KCNQ3: variants seen among roughly 807,000 people sequenced by gnomAD.
The protein encoded by KCNQ3 is potassium voltage-gated channel subfamily Q member 3.
Under a neutral mutation model 92.5 loss-of-function variants are expected in KCNQ3, and 30 were observed. The observed-to-expected ratio is 0.32, with a 90% confidence interval of 0.24 to 0.44. The LOEUF is 0.44. KCNQ3 is among the 20% of genes least tolerant of loss of function. The probability of loss-of-function intolerance (pLI) is 1.00; values close to 1 mark genes in which losing one functional copy is unlikely to be tolerated. For missense variants in KCNQ3, 913 were observed against 1,140.3 expected, an observed-to-expected ratio of 0.80 and a Z score of 2.87; for synonymous variants, 450 against 468.8, an observed-to-expected ratio of 0.96 and a Z score of 0.52.
chr8:132,354,682 T>G (rs115967154), intron 1 of KCNQ3, among the ~76,000 whole-genome samples: 1,933 of 152,316 alleles, frequency 0.013, 53 homozygotes, highest in African/African-American at 0.044. Context: ...AGTTATTGCC[T>G]CTAAGATGTT....
chr8:132,229,983 G>C (rs1247028977), intron 1 of KCNQ3, among the ~76,000 whole-genome samples: 1 of 152,162 alleles, frequency 6.6e-6, no homozygotes, highest in African/African-American at 2.4e-5. Flanking sequence ...CTTTCAGAAG[G>C]AAGGGCAGGA....
chr8:132,132,095 A>T, intron 14 of KCNQ3, 85 bp downstream of exon 14: 2 of 1,004,154 alleles, frequency 2.0e-6, no homozygotes, highest in Admixed American at 3.7e-5. Flanking sequence ...CTTAAAAAAA[A>T]AAAAGAAAGA....
At chr8:132,191,793 G>A (rs1827171106) in intron 1 of KCNQ3, among the ~76,000 whole-genome samples, 1 of 152,002 alleles carries the variant, frequency 6.6e-6, no homozygotes, top group Non-Finnish European at 1.5e-5. Flanking sequence ...AGGGTCCCAT[G>A]AGAGAGCATC....
rs144474368 is a variant in KCNQ3, at chr8:132,170,353, C to G, written c.1216G>C (p.Val406Leu). 2 of 1,613,612 alleles carry G rather than the reference C, an allele frequency of 1.2e-6. No individual in the cohort carries two copies. The highest frequency in any genetic ancestry group is 2.2e-5 in the East Asian group (1 of 44,850). The change falls in exon 8 of 15, where the codon GTC becomes CTC. Residue 406 changes from valine to leucine, a missense_variant. By Grantham distance (32) the Val-to-Leu change is conservative (BLOSUM62 1). This residue lies in a region of KCNQ3 where 182 missense variants were observed against 234.5 expected (regional missense o/e 0.78). Coordinates refer to ENST00000388996, the MANE Select transcript of KCNQ3 (RefSeq NM_004519.4). ...VATWRFYESV[V>L]SFPFFRKEQL... is the part of the protein sequence containing the mutation. Reference sequence around the variant, plus strand: ...ACTTGCCTGAAGAAAGGAAAAGAGACGACTGATTCATAAAATCTCCATGTC... The same window carrying G: ...ACTTGCCTGAAGAAAGGAAAAGAGAGGACTGATTCATAAAATCTCCATGTC...
chr8:132,186,010 G>A, intron 2 of KCNQ3, 81 bp downstream of exon 2: 1 of 987,630 alleles, frequency 1.0e-6, no homozygotes, highest in East Asian at 2.4e-5. Context: ...ACCAGTCAGG[G>A]AGGAGTGCAC....
At chr8:132,303,811 T>C (rs1450793575) in intron 1 of KCNQ3, among the ~76,000 whole-genome samples, 1 of 149,332 alleles carries the variant, frequency 6.7e-6, no homozygotes, top group South Asian at 2.1e-4. Context: ...TGTATAGATA[T>C]ACACACATAT....
chr8:132,164,521 G>A (rs913395077), intron 8 of KCNQ3, among the ~76,000 whole-genome samples: 1 of 152,106 alleles, frequency 6.6e-6, no homozygotes, highest in East Asian at 1.9e-4. Context: ...TTGAGGGTCA[G>A]CTCAGCATTT....
At chr8:132,414,113 A>G (rs1012273357) in intron 1 of KCNQ3, among the ~76,000 whole-genome samples, 4 of 152,292 alleles carry the variant, frequency 2.6e-5, no homozygotes, top group African/African-American at 9.6e-5. Context: ...TTGACTTCCT[A>G]CAATACACGC....
intron 1 of KCNQ3, among the ~76,000 whole-genome samples, 164 bp downstream of exon 1, chr8:132,479,978 ACACAC>A: frequency 6.6e-6 from 1 of 151,728 alleles, no homozygotes; most frequent in East Asian, 1.9e-4. Flanking sequence ...ACACACACAC[ACACAC>A]ACACACACAC....
intron 2 of KCNQ3, among the ~76,000 whole-genome samples, chr8:132,184,682 T>C (rs1324828494): frequency 5.3e-5 from 8 of 152,166 alleles, no homozygotes; most frequent in Admixed American, 5.2e-4. Flanking sequence ...GTCCCTTTAA[T>C]GAATGAAAAG....
intron 1 of KCNQ3, among the ~76,000 whole-genome samples, chr8:132,260,931 T>C (rs2130469644): frequency 6.6e-6 from 1 of 152,302 alleles, no homozygotes; most frequent in South Asian, 2.1e-4. Context: ...ATTCTTTTAT[T>C]ATTGAGATAT....
intron 1 of KCNQ3, among the ~76,000 whole-genome samples, chr8:132,255,014 GCTGA>G (rs1056465044): frequency 8.5e-5 from 13 of 152,064 alleles, no homozygotes; most frequent in African/African-American, 1.4e-4. Context: ...TTTGGAACAA[GCTGA>G]CTGTTTTTTT....
intron 1 of KCNQ3, among the ~76,000 whole-genome samples, chr8:132,325,648 G>C (rs969962726): frequency 2.6e-5 from 4 of 152,188 alleles, no homozygotes; most frequent in Non-Finnish European, 5.9e-5. Context: ...CAAGGACAGA[G>C]GTCCCAGAAA....
At chr8:132,163,053 A>G (rs1826036838) in intron 9 of KCNQ3, among the ~76,000 whole-genome samples, 2 of 152,202 alleles carry the variant, frequency 1.3e-5, no homozygotes, top group South Asian at 2.1e-4. Context: ...AGCAGATGAA[A>G]TGATATATCA....
intron 1 of KCNQ3, among the ~76,000 whole-genome samples, chr8:132,414,975 G>A (rs1428299310): frequency 6.6e-6 from 1 of 152,220 alleles, no homozygotes. Flanking sequence ...TCCCGGAGAG[G>A]GGCTGCTGTC....
intron 1 of KCNQ3, among the ~76,000 whole-genome samples, chr8:132,187,644 G>T (rs1480705498): frequency 6.6e-6 from 1 of 151,784 alleles, no homozygotes; most frequent in East Asian, 1.9e-4. Context: ...TGGTGGTGAT[G>T]ATGATGGTTG....
Position 132,132,184 on chromosome 8 carries a change from C to A in KCNQ3, c.1880G>T (p.Arg627Ile). The change falls in exon 14 of 15, where the codon AGA becomes ATA. Residue 627 changes from arginine (R) to isoleucine (I), a missense_variant. By Grantham distance (97) the Arg-to-Ile change is moderately conservative (BLOSUM62 -3). Coordinates refer to ENST00000388996, the MANE Select transcript of KCNQ3 (RefSeq NM_004519.4). ...SMMGKFVKVE[R>I]QVQDMGKKLD... is the part of the protein sequence containing the mutation. ...TGAGAGGAAGAAAAGACTTACCTGT[C>A]TTTCAACTTTTACAAACTTCCCCAT... 1 of 1,605,324 alleles carries A rather than the reference C, an allele frequency of 6.2e-7. No individual in the cohort carries two copies. The highest frequency in any genetic ancestry group is 8.5e-7 in the Non-Finnish European group (1 of 1,171,954).
At chr8:132,408,416 G>A (rs1163857212) in intron 1 of KCNQ3, among the ~76,000 whole-genome samples, 2 of 152,188 alleles carry the variant, frequency 1.3e-5, no homozygotes, top group Middle Eastern at 3.4e-3. Flanking sequence ...AATCCAGCTG[G>A]TGTTCGACTC....
chr8:132,393,710 A>G (rs1187452951), intron 1 of KCNQ3, among the ~76,000 whole-genome samples: 2 of 152,222 alleles, frequency 1.3e-5, no homozygotes, highest in African/African-American at 4.8e-5. Context: ...CACCTATTAA[A>G]CTAAGGACTG....
Sources: allele counts gnomAD v4.1 joint callset (sites outside exome capture counted in the v4.1 genomes callset), GRCh38; gene constraint gnomAD v4.1.1; regional missense constraint gnomAD v4.1.1; transcripts MANE v1.5; gene names NCBI Gene and HGNC (gene_info 2026-07-23, HGNC 2026-07-21).